Variants in JMY observed in about 807,000 individuals in gnomAD.
JMY encodes the protein junction mediating and regulatory protein, p53 cofactor, also known as junction-mediating and -regulatory protein.
Under a neutral mutation model 103.3 loss-of-function variants are expected in JMY, and 46 were observed. The ratio of observed to expected loss-of-function variants is 0.45; its 90% CI spans 0.35 to 0.57. JMY has a LOEUF of 0.57. Among genes scored for constraint, JMY ranks in the 20% least tolerant of loss-of-function variants. The probability of loss-of-function intolerance (pLI) is 0.00; values close to 1 mark genes in which losing one functional copy is unlikely to be tolerated. For synonymous variants in JMY, 526 were observed against 489.3 expected, an observed-to-expected ratio of 1.07 and a Z score of -0.99; for missense variants, 1,238 against 1,255.2, an observed-to-expected ratio of 0.99 and a Z score of 0.21.
At chr5:79,279,798 A>G (rs973449841) in intron 2 of JMY, among the ~76,000 whole-genome samples, 18 of 152,248 alleles carry the variant, frequency 1.2e-4, no homozygotes, top group African/African-American at 4.3e-4. Flanking sequence ...AAACAGCAAC[A>G]TGGAACAAAT....
intron 4 of JMY, among the ~76,000 whole-genome samples, chr5:79,295,827 A>G (rs917267482): frequency 6.6e-6 from 1 of 152,200 alleles, no homozygotes; most frequent in Non-Finnish European, 1.5e-5. Flanking sequence ...AGATTATTCC[A>G]TAGGTGCACA....
At chr5:79,245,347 C>G (rs1186719159) in intron 1 of JMY, among the ~76,000 whole-genome samples, 2 of 152,064 alleles carry the variant, frequency 1.3e-5, no homozygotes, top group Non-Finnish European at 2.9e-5. Flanking sequence ...ATGAAGTCAT[C>G]CTGGTGCTTG....
In JMY at chr5:79,237,654, T is replaced by A. The variant is rs1308632150; in HGVS notation, c.1004T>A (p.Leu335His). 4 of 1,613,494 alleles carry A rather than the reference T, an allele frequency of 2.5e-6. No individual in the cohort carries two copies. In the Admixed American group the frequency reaches 6.7e-5, roughly 27 times the overall value. ...ELRQKGYEEV[L>H]QRARKRIQEL... ...CGGCAGAAGGGCTACGAAGAAGTGC[T>A]TCAGCGGGCCAGGAAGCGCATCCAG... Residue 335 changes from leucine to histidine, a missense_variant, in exon 1 of 11, where the codon CTT becomes CAT. By Grantham distance (99) the Leu-to-His change is moderately conservative. Transcript: ENST00000396137.
intron 4 of JMY, among the ~76,000 whole-genome samples, chr5:79,297,674 A>G (rs775242845): frequency 1.2e-4 from 19 of 152,162 alleles, no homozygotes; most frequent in Admixed American, 6.5e-4. Context: ...TTCTGGTTCT[A>G]CAACCCTTTA....
chr5:79,257,770 T>A (rs1745292070), intron 1 of JMY, among the ~76,000 whole-genome samples: 1 of 151,312 alleles, frequency 6.6e-6, no homozygotes, highest in Non-Finnish European at 1.5e-5. Flanking sequence ...CAGATTATCT[T>A]TTTTTTTTGG....
In JMY at chr5:79,236,974, G is replaced by C. The variant is rs1561283972; in HGVS notation, c.324G>C (p.Ser108=). 1.4e-6 allele frequency: 2 copies of C among 1,454,716 alleles called. No individual in the cohort carries two copies. The highest frequency in any genetic ancestry group is 2.7e-5 in the Admixed American group (1 of 36,420). 90.1% of individuals were successfully genotyped at this position (1,454,716 alleles called of 1,614,324 possible). The change falls in exon 1 of 11, where the codon TCG becomes TCC. Residue 108 remains serine (S), a synonymous_variant. Coordinates refer to ENST00000396137, the MANE Select transcript of JMY (RefSeq NM_152405.5). ...GGAGCCCCGGGCCCCGGCGGAGCTC[G>C]GCCTGGGCGGAGGGCGGCTCTCCTC... The part of the protein sequence containing the change: ...LVRSPGPRRS[S]AWAEGGSPRS...
At position 79,316,254 on chromosome 5, in the gene JMY, C is replaced by T; in HGVS notation, c.2914C>T (p.Pro972Ser). Reference protein sequence around the residue: ...EALRRIKEASPESEDEEEALP... With the variant: ...EALRRIKEASSESEDEEEALP... ...TCTTAGAAGAATTAAAGAAGCATCC[C>T]CAGAGTCAGAGGACGAAGAGGAGGC... Residue 972 changes from proline to serine, a missense_variant, in exon 10 of 11, where the codon CCA (proline) becomes TCA (serine). Coordinates refer to ENST00000396137, the MANE Select transcript of JMY (RefSeq NM_152405.5). The T allele has an allele frequency of 6.2e-7, 1 of 1,613,764 alleles. No homozygotes were observed. The highest frequency in any genetic ancestry group is 8.5e-7 in the Non-Finnish European group (1 of 1,179,884).
chr5:79,248,079 G>T (rs1304826635), intron 1 of JMY, among the ~76,000 whole-genome samples: 5 of 151,812 alleles, frequency 3.3e-5, no homozygotes, highest in Admixed American at 6.6e-5. Context: ...TTTTAGTAGA[G>T]ATGGGGTTTC....
chr5:79,306,580 T>G (rs1390721674), intron 7 of JMY, 119 bp downstream of exon 7: 1 of 729,164 alleles, frequency 1.4e-6, no homozygotes, highest in Non-Finnish European at 2.3e-6. Context: ...TAGTTCAGTT[T>G]ATATAATGAG....
rs1269701783 is a variant in JMY, at chr5:79,237,581, A to T, written c.931A>T (p.Thr311Ser). 6.2e-7 allele frequency: 1 copy of T among 1,613,454 alleles called. No homozygotes were observed. The highest frequency in any genetic ancestry group is 8.5e-7 in the Non-Finnish European group (1 of 1,180,020). ...GWKILSQVLF[T>S]ETDDPEEYYE... ...GAAGATCCTCTCCCAGGTGCTCTTC[A>T]CCGAGACCGATGATCCCGAGGAGTA... The change falls in exon 1 of 11, where the codon ACC becomes TCC. Residue 311 changes from threonine (T) to serine (S), a missense_variant. By Grantham distance (58) the Thr-to-Ser change is moderately conservative. Coordinates refer to ENST00000396137, the MANE Select transcript of JMY (RefSeq NM_152405.5).
intron 4 of JMY, among the ~76,000 whole-genome samples, chr5:79,294,114 C>T (rs972680769): frequency 1.3e-5 from 2 of 152,068 alleles, no homozygotes; most frequent in African/African-American, 4.8e-5. Flanking sequence ...ATTAAAATGC[C>T]ATCATGAGGT....
At chr5:79,270,570 A>T (rs1745740305) in intron 1 of JMY, among the ~76,000 whole-genome samples, 1 of 110,358 alleles carries the variant, frequency 9.1e-6, no homozygotes, top group South Asian at 2.6e-4. Context: ...AAATATTTAA[A>T]ATGTATATTT....
At chr5:79,244,222 A>G (rs1186051277) in intron 1 of JMY, among the ~76,000 whole-genome samples, 2 of 152,092 alleles carry the variant, frequency 1.3e-5, no homozygotes, top group African/African-American at 4.8e-5. Flanking sequence ...GCTGGTCTCG[A>G]ACTCCTGACC....
intron 1 of JMY, among the ~76,000 whole-genome samples, chr5:79,270,502 A>G: frequency 1.1e-5 from 1 of 89,636 alleles, no homozygotes; most frequent in South Asian, 3.3e-4. Flanking sequence ...TAAAATATAT[A>G]TTTACATAAA....
In JMY at chr5:79,268,003, T is replaced by G. The variant is rs1162264102; in HGVS notation, c.1033-9907T>G. Among the ~76,000 whole-genome samples the G allele has an allele frequency of 2.0e-5, 3 of 152,172 alleles. No homozygotes were observed. In the East Asian group the frequency reaches 5.8e-4, roughly 29 times the overall value. On this transcript the variant is annotated intron_variant, in intron 1 of 10. Transcript: ENST00000396137. ...GCCCATGCCTGTAATGCAAACACTT[T>G]GGGAGAGACTGAGGTGGGAAGATTG... is the stretch of plus-strand genomic sequence containing the variant.
In JMY at chr5:79,314,552, C is replaced by A. The variant is rs1488667206; in HGVS notation, c.2360C>A (p.Pro787Gln). Residue 787 changes from proline (P) to glutamine (Q), a missense_variant, in exon 9 of 11, where the codon CCA becomes CAA. Transcript: ENST00000396137. ...TSELPPTISL[P>Q]LLNNNLEPCS... ...GAACTGCCTCCCACTATATCTCTTC[C>A]ACTTTTGAATAACAACCTCGAACCA... 13 of 1,614,028 alleles carry A rather than the reference C, an allele frequency of 8.1e-6. No individual in the cohort carries two copies. The South Asian group carries it at 1.4e-4, about 18-fold the overall frequency.
chr5:79,296,526 T>C (rs1338530790), intron 4 of JMY, among the ~76,000 whole-genome samples: 1 of 152,210 alleles, frequency 6.6e-6, no homozygotes, highest in Admixed American at 6.6e-5. Context: ...CTGTCACCGA[T>C]GCTGGAGTGC....
intron 2 of JMY, 86 bp downstream of exon 2, chr5:79,278,169 TTAAA>T: frequency 1.1e-6 from 1 of 906,250 alleles, no homozygotes; most frequent in Non-Finnish European, 1.5e-6. Flanking sequence ...AAGAGGAACT[TTAAA>T]AAAAAAAAAA....
intron 2 of JMY, among the ~76,000 whole-genome samples, chr5:79,279,860 T>C (rs1361714401): frequency 2.6e-5 from 4 of 152,180 alleles, no homozygotes; most frequent in African/African-American, 9.7e-5. Context: ...TTTGTTTTGT[T>C]TTTTTGAGAC....
Sources: gnomAD v4.1 joint callset for allele counts (sites outside exome capture counted in the v4.1 genomes callset) on GRCh38, gnomAD v4.1.1 for gene constraint, MANE v1.5 for transcripts, NCBI Gene and HGNC (gene_info 2026-07-23, HGNC 2026-07-21) for gene names.